Variants in ST6GALNAC3 observed in about 807,000 individuals in gnomAD.
ST6GALNAC3 encodes the protein ST6 N-acetylgalactosaminide alpha-2,6-sialyltransferase 3.
A neutral mutation model predicts 32.7 loss-of-function variants in ST6GALNAC3; 25 were observed. The ratio of observed to expected loss-of-function variants is 0.76; its 90% CI spans 0.56 to 1.07. ST6GALNAC3 has a LOEUF of 1.07. ST6GALNAC3 is among the 50% of genes least tolerant of loss of function. The pLI is 0.00. For missense variants in ST6GALNAC3, 355 were observed against 382.4 expected (o/e 0.93, Z 0.60); for synonymous variants, 129 against 133.1 (o/e 0.97, Z 0.21).
intron 1 of ST6GALNAC3, among the ~76,000 whole-genome samples, chr1:76,286,379 G>A (rs2100802725): frequency 6.6e-6 from 1 of 152,314 alleles, no homozygotes; most frequent in South Asian, 2.1e-4. Context: ...AAGGCCAGTG[G>A]TCCAATTTTT....
intron 1 of ST6GALNAC3, among the ~76,000 whole-genome samples, chr1:76,303,839 CAATTTCCTAGTA>C (rs1660874113): frequency 6.6e-6 from 1 of 152,020 alleles, no homozygotes; most frequent in East Asian, 1.9e-4. Flanking sequence ...AACTTCAAAG[CAATTTCCTAGTA>C]AATTTCCTAG....
chr1:76,120,865 G>A (rs977321716), intron 1 of ST6GALNAC3, among the ~76,000 whole-genome samples: 4 of 152,184 alleles, frequency 2.6e-5, no homozygotes, highest in African/African-American at 4.8e-5. Context: ...CACTTCTGGA[G>A]GCCAGAAATC....
intron 3 of ST6GALNAC3, among the ~76,000 whole-genome samples, chr1:76,455,744 C>T (rs1310750531): frequency 6.6e-6 from 1 of 152,142 alleles, no homozygotes; most frequent in Non-Finnish European, 1.5e-5. Context: ...TCCTCTTTTA[C>T]CCCAGCATTT....
chr1:76,113,102 G>C (rs370250574), intron 1 of ST6GALNAC3, among the ~76,000 whole-genome samples: 1 of 152,052 alleles, frequency 6.6e-6, no homozygotes, highest in African/African-American at 2.4e-5. Context: ...TCGGGAGGCC[G>C]AGGCTGGCGG....
At chr1:76,184,519 GCACACACACACACACA>G (rs71071992) in intron 1 of ST6GALNAC3, among the ~76,000 whole-genome samples, 11 of 134,172 alleles carry the variant, frequency 8.2e-5, no homozygotes, top group African/African-American at 2.6e-4. Flanking sequence ...CTCCTGGGCA[GCACACACACACACACA>G]CACACACACA....
intron 1 of ST6GALNAC3, among the ~76,000 whole-genome samples, chr1:76,108,347 A>G (rs1647680782): frequency 6.6e-6 from 1 of 152,252 alleles, no homozygotes; most frequent in African/African-American, 2.4e-5. Flanking sequence ...CACAGAATAC[A>G]TAACATGGTT....
intron 3 of ST6GALNAC3, among the ~76,000 whole-genome samples, chr1:76,585,045 TG>T (rs2100559618): frequency 7.0e-6 from 1 of 142,944 alleles, no homozygotes; most frequent in Admixed American, 6.7e-5. Flanking sequence ...CTTGAGGACT[TG>T]GGATTGTTAC....
intron 3 of ST6GALNAC3, among the ~76,000 whole-genome samples, chr1:76,503,925 A>G (rs1307365088): frequency 6.6e-6 from 1 of 152,134 alleles, no homozygotes; most frequent in South Asian, 2.1e-4. Context: ...TTTATTGGAC[A>G]TTCTTCCCCA....
At chr1:76,090,983 C>T (rs942524510) in intron 1 of ST6GALNAC3, among the ~76,000 whole-genome samples, 1 of 152,204 alleles carries the variant, frequency 6.6e-6, no homozygotes, top group African/African-American at 2.4e-5. Context: ...TTGGAAATGA[C>T]TTGTTCCAAT....
chr1:76,311,464 T>A (rs1646761955), intron 1 of ST6GALNAC3, among the ~76,000 whole-genome samples: 1 of 152,112 alleles, frequency 6.6e-6, no homozygotes, highest in Non-Finnish European at 1.5e-5. Context: ...CGGTGTGTGA[T>A]GTTCCCCTCC....
chr1:76,479,581 G>A (rs748837655), intron 3 of ST6GALNAC3, among the ~76,000 whole-genome samples: 6 of 152,132 alleles, frequency 3.9e-5, no homozygotes, highest in African/African-American at 1.4e-4. Flanking sequence ...CATGCGCAAG[G>A]GTGGGATAGA....
intron 1 of ST6GALNAC3, among the ~76,000 whole-genome samples, chr1:76,152,404 G>C (rs1034584703): frequency 2.6e-5 from 4 of 152,190 alleles, no homozygotes; most frequent in African/African-American, 4.8e-5. Flanking sequence ...TGGGTGATGA[G>C]GTAAAGACTG....
chr1:76,344,490 G>A (rs1484000567), intron 2 of ST6GALNAC3, among the ~76,000 whole-genome samples: 1 of 151,894 alleles, frequency 6.6e-6, no homozygotes, highest in Non-Finnish European at 1.5e-5. Context: ...CTGGTTTAAT[G>A]TCTGTCTCCA....
intron 1 of ST6GALNAC3, among the ~76,000 whole-genome samples, chr1:76,123,499 G>A (rs917708911): frequency 3.3e-5 from 5 of 152,068 alleles, no homozygotes; most frequent in African/African-American, 1.2e-4. Flanking sequence ...TGCCCAGAGA[G>A]GAGCGTCCAC....
At chr1:76,176,596 G>A (rs1227271254) in intron 1 of ST6GALNAC3, among the ~76,000 whole-genome samples, 1 of 151,964 alleles carries the variant, frequency 6.6e-6, no homozygotes, top group African/African-American at 2.4e-5. Flanking sequence ...ATACACCTGA[G>A]GATTAAACAT....
chr1:76,606,557 C>A (rs1282468456), intron 3 of ST6GALNAC3, among the ~76,000 whole-genome samples: 1 of 151,894 alleles, frequency 6.6e-6, no homozygotes, highest in Non-Finnish European at 1.5e-5. Context: ...ATACTGGGTC[C>A]TGTCAGAGGG....
chr1:76,215,651 G>A (rs1655413669), intron 1 of ST6GALNAC3, among the ~76,000 whole-genome samples: 2 of 152,208 alleles, frequency 1.3e-5, no homozygotes, highest in Non-Finnish European at 2.9e-5. Context: ...CCAAATCTTG[G>A]AGCGTATCAG....
At chr1:76,478,620 A>C (rs1003390324) in intron 3 of ST6GALNAC3, among the ~76,000 whole-genome samples, 1 of 152,126 alleles carries the variant, frequency 6.6e-6, no homozygotes, top group African/African-American at 2.4e-5. Flanking sequence ...CCCACAAGAG[A>C]AAATGATCTG....
chr1:76,576,921 G>A (rs1389735421), intron 3 of ST6GALNAC3: 6 of 1,293,128 alleles, frequency 4.6e-6, no homozygotes, highest in African/African-American at 4.6e-5. Flanking sequence ...ACAAAAGGAA[G>A]GAAGGAATAA....
Sources: gnomAD v4.1 joint callset for allele counts (sites outside exome capture counted in the v4.1 genomes callset) on GRCh38, gnomAD v4.1.1 for gene constraint, MANE v1.5 for transcripts, NCBI Gene and HGNC (gene_info 2026-07-23, HGNC 2026-07-21) for gene names.